The following TMEM132E variants were observed in gnomAD, a reference collection of about 807,000 sequenced individuals.
TMEM132E encodes transmembrane protein 132E.
In TMEM132E, 49 loss-of-function variants were observed where a neutral mutation model predicts 78.5. The ratio of observed to expected loss-of-function variants is 0.62; its 90% CI spans 0.50 to 0.79. The LOEUF is 0.79. TMEM132E is among the 30% of genes least tolerant of loss of function. The pLI is 0.00. For synonymous variants in TMEM132E, 715 were observed against 670.6 expected, an observed-to-expected ratio of 1.07 and a Z score of -1.02; for missense variants, 1,403 against 1,470.9, an observed-to-expected ratio of 0.95 and a Z score of 0.75.
Position 34,638,199 on chromosome 17 carries a change from C to A in TMEM132E, c.3192C>A (p.His1064Gln), listed in dbSNP as rs1187664126. ...GGCCCACTGCACCCCCGGACCTGCA[C>A]AATTACATGCGCAGAATCAAAGAGA... ...PTRPTAPPDL[H>Q]NYMRRIKEIA is the part of the protein sequence containing the mutation. The change falls in exon 9 of 9, where the codon CAC becomes CAA. Residue 1064 changes from histidine to glutamine, a missense_variant. This residue lies in a region of TMEM132E where 888 missense variants were observed against 952.8 expected (regional missense o/e 0.93). Coordinates refer to ENST00000631683, the MANE Select transcript of TMEM132E (RefSeq NM_001304438.2). 1 of 1,602,172 alleles carries A rather than the reference C, an allele frequency of 6.2e-7. No homozygotes were observed. The highest frequency in any genetic ancestry group is 1.7e-5 in the Admixed American group (1 of 58,282).
At chr17:34,587,327 G>A (rs188063775) in intron 1 of TMEM132E, among the ~76,000 whole-genome samples, 84 of 152,244 alleles carry the variant, frequency 5.5e-4, no homozygotes, top group Admixed American at 3.3e-3. Flanking sequence ...GTCACAGAGC[G>A]GCAACCTCTC....
chr17:34,621,167 C>T (rs1181775079), intron 1 of TMEM132E, among the ~76,000 whole-genome samples: 1 of 152,126 alleles, frequency 6.6e-6, no homozygotes, highest in African/African-American at 2.4e-5. Flanking sequence ...ATACCAAATC[C>T]CCATGTATCA....
At chr17:34,619,201 C>T (rs1906875674) in intron 1 of TMEM132E, among the ~76,000 whole-genome samples, 1 of 152,050 alleles carries the variant, frequency 6.6e-6, no homozygotes, top group Non-Finnish European at 1.5e-5. Flanking sequence ...TTCATTCATT[C>T]ATTCATAGAT....
chr17:34,599,606 G>T (rs1013876868), intron 1 of TMEM132E, among the ~76,000 whole-genome samples: 6 of 152,188 alleles, frequency 3.9e-5, no homozygotes, highest in African/African-American at 7.2e-5. Flanking sequence ...TAGAACTCAG[G>T]CAGTGCTTCT....
chr17:34,634,683 C>G (rs1907454142), intron 6 of TMEM132E, 116 bp from the exon 7 acceptor site: 1 of 1,318,842 alleles, frequency 7.6e-7, no homozygotes, highest in South Asian at 1.5e-5. Flanking sequence ...AGGAAGCTTG[C>G]TTTTGCAGAG....
At chr17:34,601,477 G>C (rs369737283) in intron 1 of TMEM132E, among the ~76,000 whole-genome samples, 1 of 152,176 alleles carries the variant, frequency 6.6e-6, no homozygotes, top group Admixed American at 6.5e-5. Flanking sequence ...GGCTGTCTTT[G>C]TCCCCAAAGT....
At chr17:34,631,565 G>T (rs1025110731) in intron 5 of TMEM132E, among the ~76,000 whole-genome samples, 1 of 152,222 alleles carries the variant, frequency 6.6e-6, no homozygotes, top group African/African-American at 2.4e-5. Flanking sequence ...GGAATTTACA[G>T]GTCTGCGTTG....
intron 1 of TMEM132E, among the ~76,000 whole-genome samples, chr17:34,619,113 G>A (rs1267475443): frequency 1.3e-5 from 2 of 152,174 alleles, no homozygotes; most frequent in Non-Finnish European, 2.9e-5. Flanking sequence ...CCTATTTCTG[G>A]CCTCTTCATC....
intron 6 of TMEM132E, among the ~76,000 whole-genome samples, chr17:34,633,527 C>T (rs758170810): frequency 2.6e-5 from 4 of 152,228 alleles, no homozygotes; most frequent in Non-Finnish European, 2.9e-5. Flanking sequence ...TGTGTACTCA[C>T]CGCATTCCAA....
In TMEM132E at chr17:34,637,642, C is replaced by T; in HGVS notation, c.2635C>T (p.Gln879Ter). ...CCTGCCGCTGCCCACCGGCTTCCTG[C>T]AGGTGCCACGGGGTCTGACAGACCT... is the stretch of plus-strand genomic sequence containing the variant. ...DFLPLPTGFL[Q>*]VPRGLTDLEI... Residue 879 changes from glutamine to a stop codon, truncating the protein, a stop_gained, in exon 9 of 9, where the codon CAG becomes TAG. Transcript: ENST00000631683. LOFTEE classifies it high-confidence loss of function. The T allele has an allele frequency of 6.2e-7, 1 of 1,606,506 alleles. No homozygotes were observed.
At chr17:34,613,217 G>GCGCGCGCA (rs1199634000) in intron 1 of TMEM132E, among the ~76,000 whole-genome samples, 5 of 136,894 alleles carry the variant, frequency 3.7e-5, no homozygotes, top group Non-Finnish European at 6.6e-5. Flanking sequence ...ACACACGCGC[G>GCGCGCGCA]CGCGCGCGCG....
chr17:34,604,736 A>G (rs910640025), intron 1 of TMEM132E, among the ~76,000 whole-genome samples: 1 of 152,222 alleles, frequency 6.6e-6, no homozygotes, highest in Non-Finnish European at 1.5e-5. Flanking sequence ...AAGGGAAAGA[A>G]TGCATTTTGA....
intron 1 of TMEM132E, among the ~76,000 whole-genome samples, chr17:34,600,140 C>T (rs1447880826): frequency 6.6e-6 from 1 of 152,190 alleles, no homozygotes; most frequent in Non-Finnish European, 1.5e-5. Flanking sequence ...CACTTAGTCC[C>T]CTGTTCTAGG....
intron 1 of TMEM132E, among the ~76,000 whole-genome samples, chr17:34,582,361 T>G (rs1905522037): frequency 6.6e-6 from 1 of 151,994 alleles, no homozygotes; most frequent in African/African-American, 2.4e-5. Flanking sequence ...ACCAGCGGCC[T>G]CTTTCACCCT....
At chr17:34,613,900 C>T (rs1906694699) in intron 1 of TMEM132E, among the ~76,000 whole-genome samples, 1 of 152,194 alleles carries the variant, frequency 6.6e-6, no homozygotes, top group Non-Finnish European at 1.5e-5. Flanking sequence ...CTGACACTCC[C>T]CGCCCCCAAA....
rs558740753 is a variant in TMEM132E at position 34,612,799 on chromosome 17, G to A, written c.68-13328G>A. Among the ~76,000 whole-genome samples the A allele has an allele frequency of 9.2e-5, 14 of 152,230 alleles. No homozygotes were observed. In the South Asian group the frequency reaches 2.9e-3, roughly 32 times the overall value. On this transcript the variant is annotated intron_variant, in intron 1 of 8. Transcript: ENST00000631683. Reference sequence around the variant, plus strand: ...ACCAGGGAAATCAGGAGGGCCGGTGGGGCCTAACCTCAGCTGTGTGTTTTG... The same window carrying A: ...ACCAGGGAAATCAGGAGGGCCGGTGAGGCCTAACCTCAGCTGTGTGTTTTG...
chr17:34,615,780 G>C (rs1281948671), intron 1 of TMEM132E, among the ~76,000 whole-genome samples: 1 of 151,892 alleles, frequency 6.6e-6, no homozygotes, highest in African/African-American at 2.4e-5. Context: ...CGGTCGCTGG[G>C]TCTTGGAGGA....
Position 34,581,427 on chromosome 17 carries a change from C to A in TMEM132E, c.67+284C>A, listed in dbSNP as rs192416640. 9.9e-4 allele frequency among the ~76,000 whole-genome samples: 150 copies of A among 151,936 alleles called. 1 individual carries two copies. Among genetic ancestry groups the A allele is most frequent in the Middle Eastern group, 3.4e-3 (1 of 292 alleles). On this transcript the variant is annotated intron_variant, in intron 1 of 8. Coordinates refer to ENST00000631683, the MANE Select transcript of TMEM132E (RefSeq NM_001304438.2). ...CGAACCCGAAGGTCTGGGGTCGTGT[C>A]CGCCCACGGAAATCTAGAGGGATCC...
intron 5 of TMEM132E, 112 bp downstream of exon 5, chr17:34,630,263 C>T (rs774066753): frequency 1.5e-5 from 17 of 1,161,164 alleles, no homozygotes; most frequent in African/African-American, 3.1e-5. Context: ...TAACACTGAA[C>T]CCAGGCCTCC....
Sources: allele counts gnomAD v4.1 joint callset (sites outside exome capture counted in the v4.1 genomes callset), GRCh38; gene constraint gnomAD v4.1.1; regional missense constraint gnomAD v4.1.1; transcripts MANE v1.5; gene names NCBI Gene and HGNC (gene_info 2026-07-23, HGNC 2026-07-21).